The following NKX1-2 variants were observed in gnomAD, a reference collection of about 807,000 sequenced individuals.
The protein encoded by NKX1-2 is NK1 homeobox 2, also known as NK1 transcription factor-related protein 2.
NKX1-2 carries 1 observed loss-of-function variant against 4.4 expected under a neutral mutation model. That is an observed-to-expected ratio of 0.23 (90% confidence interval 0.08 to 1.08). The LOEUF is 1.08. NKX1-2 is among the 50% of genes least tolerant of loss of function. The pLI, the probability that NKX1-2 is intolerant of heterozygous loss-of-function variation, is 0.55. For synonymous variants in NKX1-2, 235 were observed against 228.0 expected (o/e 1.03, Z -0.28); for missense variants, 503 against 464.6 (o/e 1.08, Z -0.76).
rs1952262887 is a variant in NKX1-2, at chr10:124,448,061, G to GCCTCCTCGGATCCTCCGCATCCT, written c.278_300dup (p.Pro101ArgfsTer22). 19 of 1,520,696 alleles carry GCCTCCTCGGATCCTCCGCATCCT rather than the reference G, an allele frequency of 1.2e-5. No homozygotes were observed. The highest frequency in any genetic ancestry group is 1.7e-5 in the Non-Finnish European group (19 of 1,139,500). The allele number at this position is 1,520,696 out of a possible 1,614,324, so 94.2% of individuals were successfully genotyped here. ...CGCGCAGCCCGCTCCCGCAGCCGCG[G>GCCTCCTCGGATCCTCCGCATCCT]CCTCCTCGGATCCTCCGCATCCTCC... On this transcript the variant is annotated frameshift_variant, in exon 2 of 2. Transcript: ENST00000451024. LOFTEE classifies it low-confidence loss of function (END_TRUNC). The surrounding 1 kb of genome is among the most constrained non-coding windows in gnomAD (Gnocchi z 4.1).
At position 124,447,165 on chromosome 10, in the gene NKX1-2, T is replaced by G. The variant is rs976557406; in HGVS notation, c.*264A>C. On this transcript the variant is annotated 3_prime_UTR_variant, in exon 2 of 2. Coordinates refer to ENST00000451024, the MANE Select transcript of NKX1-2 (RefSeq NM_001146340.3). ...GCCGAACACCCAGACCCTCAAAAAC[T>G]AGCCCCTGAACTGAATTAAACCTGA... The G allele has an allele frequency of 5.7e-6, 2 of 348,750 alleles. No homozygotes were observed. The highest frequency in any genetic ancestry group is 1.0e-5 in the Non-Finnish European group (2 of 194,658). 21.6% of individuals were successfully genotyped at this position (348,750 alleles called of 1,614,324 possible).
In NKX1-2 at chr10:124,447,669, C is replaced by T. The variant is rs751225266; in HGVS notation, c.693G>A (p.Val231=). Residue 231 remains valine (V), a synonymous_variant, in exon 2 of 2, where the codon GTG becomes GTA. Coordinates refer to ENST00000451024, the MANE Select transcript of NKX1-2 (RefSeq NM_001146340.3). The part of the protein sequence containing the change: ...QNPGADGAAQ[V]GGGAPQPGAA... ...CCCCTGGCTGGGGCGCGCCACCCCCCACCTGCGCCGCGCCGTCGGCACCCG... is the reference window on the plus strand; with the variant it reads ...CCCCTGGCTGGGGCGCGCCACCCCCTACCTGCGCCGCGCCGTCGGCACCCG... 1.9e-5 allele frequency: 27 copies of T among 1,392,946 alleles called. No individual in the cohort carries two copies. Among genetic ancestry groups the T allele is most frequent in the Admixed American group, 2.6e-5 (1 of 38,474 alleles). The allele number at this position is 1,392,946 out of a possible 1,614,324, so 86.3% of individuals were successfully genotyped here.
Position 124,449,776 on chromosome 10 carries a change from C to T in NKX1-2, c.168G>A (p.Gly56=), listed in dbSNP as rs112863004. The T allele has an allele frequency of 0.11, 164,520 of 1,551,562 alleles. 9,569 individuals are homozygous for T. Among genetic ancestry groups the T allele is most frequent in the Non-Finnish European group, 0.12 (136,930 of 1,146,918 alleles). Residue 56 remains glycine, a synonymous_variant, in exon 1 of 2, where the codon GGG becomes GGA. Coordinates refer to ENST00000451024, the MANE Select transcript of NKX1-2 (RefSeq NM_001146340.3). The surrounding 1 kb of genome is among the most constrained non-coding windows in gnomAD (Gnocchi z 7.5). ...ARKSLAEVEA[G]KDASSRDPVR... ...CAGGGTCCCTGGAGCTGGCATCTTT[C>T]CCCGCTTCGACCTCCGCCAAACTTT... is the stretch of plus-strand genomic sequence containing the variant.
rs1049292009 is a variant in NKX1-2 at position 124,447,482 on chromosome 10, C to A, written c.880G>T (p.Ala294Ser). The A allele has an allele frequency of 3.4e-5, 43 of 1,270,342 alleles. No individual in the cohort carries two copies. The highest frequency in any genetic ancestry group is 4.3e-5 in the Non-Finnish European group (43 of 1,004,166). The allele number at this position is 1,270,342 out of a possible 1,614,324, so 78.7% of individuals were successfully genotyped here. A position where few individuals can be genotyped will look rare whatever the true frequency, so the allele number is the denominator to read the frequency against. The change falls in exon 2 of 2, where the codon GCG becomes TCG. Residue 294 changes from alanine (A) to serine (S), a missense_variant. Coordinates refer to ENST00000451024, the MANE Select transcript of NKX1-2 (RefSeq NM_001146340.3). ...AGGTAGGAAGGCCCAAGGAACGGCG[C>A]GAAAGGGCTCCCGGGGGCGGCAGCC... is the stretch of plus-strand genomic sequence containing the variant. ...LTAAAPGSPF[A>S]PFLGPSYLTP...
chr10:124,449,292 G>A lies in NKX1-2; in HGVS notation c.214+438C>T, dbSNP rs921909939. 6.6e-6 allele frequency among the ~76,000 whole-genome samples: 1 copy of A among 152,204 alleles called. No individual in the cohort carries two copies. The highest frequency in any genetic ancestry group is 2.4e-5 in the African/African-American group (1 of 41,462). ...ACGAAGACCCCCGGCGCAAGCCTTA[G>A]CGTCAGCTCCCCCATCCATAAAATG... On this transcript the variant is annotated intron_variant, in intron 1 of 1. Coordinates refer to ENST00000451024, the MANE Select transcript of NKX1-2 (RefSeq NM_001146340.3). This position sits in a 1 kb window ranked among gnomAD's most constrained non-coding sequence, Gnocchi z 7.5.
Position 124,447,954 on chromosome 10 carries a change from GC to G in NKX1-2, c.407del (p.Gly136AlafsTer4), listed in dbSNP as rs1952260428. On this transcript the variant is annotated frameshift_variant, in exon 2 of 2. Coordinates refer to ENST00000451024, the MANE Select transcript of NKX1-2 (RefSeq NM_001146340.3). LOFTEE classifies it low-confidence loss of function (END_TRUNC). ...ASGEPCEDGG[G>X]GPVRSPPGSP... is the part of the protein sequence containing the mutation. ...ATCCCGGGGGGGACCTCACAGGGCC[GC>G]CCCCGCCGTCCTCGCAGGGCTCCCC... The G allele has an allele frequency of 2.8e-6, 4 of 1,404,232 alleles. No homozygotes were observed. The highest frequency in any genetic ancestry group is 3.7e-6 in the Non-Finnish European group (4 of 1,085,486). 87.0% of individuals were successfully genotyped at this position (1,404,232 alleles called of 1,614,324 possible). A position where few individuals can be genotyped will look rare whatever the true frequency, so the allele number is the denominator to read the frequency against.
rs1318708950 is a variant in NKX1-2, at chr10:124,449,689, G to A, written c.214+41C>T. ...TTCCCCCATACACTCCGCATTGTTG[G>A]GGCTGAGGCCTCCTGGGGCCGGGGC... On this transcript the variant is annotated intron_variant, in intron 1 of 1. Transcript: ENST00000451024. The surrounding 1 kb of genome is among the most constrained non-coding windows in gnomAD (Gnocchi z 7.5). The A allele has an allele frequency of 7.0e-7, 1 of 1,424,276 alleles. No homozygotes were observed. Among genetic ancestry groups the A allele is most frequent in the East Asian group, 2.5e-5 (1 of 40,366 alleles). 88.2% of individuals were successfully genotyped at this position (1,424,276 alleles called of 1,614,324 possible).
At position 124,449,991 on chromosome 10, in the gene NKX1-2, C is replaced by A; in HGVS notation, c.-48G>T. On this transcript the variant is annotated 5_prime_UTR_variant, in exon 1 of 2. Transcript: ENST00000451024. The surrounding 1 kb of genome is among the most constrained non-coding windows in gnomAD (Gnocchi z 7.5). ...GTCGGCGGCGCGGGGTTGGGGATGG[C>A]GCCGCTCGGGCTTGCCTTCGGCTGT... The A allele has an allele frequency of 7.1e-7, 1 of 1,408,842 alleles. No homozygotes were observed. The highest frequency in any genetic ancestry group is 2.5e-5 in the East Asian group (1 of 39,454). 87.3% of individuals were successfully genotyped at this position (1,408,842 alleles called of 1,614,324 possible).
At position 124,447,494 on chromosome 10, in the gene NKX1-2, C is replaced by T. The variant is rs1952251334; in HGVS notation, c.868G>A (p.Gly290Arg). 12 of 1,271,390 alleles carry T rather than the reference C, an allele frequency of 9.4e-6. No individual in the cohort carries two copies. Among genetic ancestry groups the T allele is most frequent in the East Asian group, 3.1e-5 (1 of 32,280 alleles). 78.8% of individuals were successfully genotyped at this position (1,271,390 alleles called of 1,614,324 possible). The change falls in exon 2 of 2, where the codon GGG (glycine) becomes AGG (arginine). Residue 290 changes from glycine (G) to arginine (R), a missense_variant. Gly to Arg is a moderately radical substitution (Grantham distance 125, BLOSUM62 -2). Transcript: ENST00000451024. ...CCAAGGAACGGCGCGAAAGGGCTCC[C>T]GGGGGCGGCAGCCGTCAGCGGGAAG... ...ASFPLTAAAP[G>R]SPFAPFLGPS...
At position 124,449,114 on chromosome 10, in the gene NKX1-2, G is replaced by C. The variant is rs1952272734; in HGVS notation, c.214+616C>G. ...CCAGCGTTGGGAGTAATTCAGAAAGGGTTTCGAGAAGAAAGTACCGAAAGC... is the reference window on the plus strand; with the variant it reads ...CCAGCGTTGGGAGTAATTCAGAAAGCGTTTCGAGAAGAAAGTACCGAAAGC... On this transcript the variant is annotated intron_variant, in intron 1 of 1. Coordinates refer to ENST00000451024, the MANE Select transcript of NKX1-2 (RefSeq NM_001146340.3). This position sits in a 1 kb window ranked among gnomAD's most constrained non-coding sequence, Gnocchi z 7.5. 6.6e-6 allele frequency among the ~76,000 whole-genome samples: 1 copy of C among 152,156 alleles called. No individual in the cohort carries two copies. Among genetic ancestry groups the C allele is most frequent in the Non-Finnish European group, 1.5e-5 (1 of 68,020 alleles).
Position 124,447,513 on chromosome 10 carries a change from C to T in NKX1-2, c.849G>A (p.Pro283=). ...NVLFPSAASF[P]LTAAAPGSPF... is the part of the protein sequence containing the mutation. Reference sequence around the variant, plus strand: ...GGCTCCCGGGGGCGGCAGCCGTCAGCGGGAAGGAGGCGGCGGACGGGAAGA... The same window carrying T: ...GGCTCCCGGGGGCGGCAGCCGTCAGTGGGAAGGAGGCGGCGGACGGGAAGA... The change falls in exon 2 of 2, where the codon CCG becomes CCA. Residue 283 remains proline (P), a synonymous_variant. Transcript: ENST00000451024. 3.1e-6 allele frequency: 4 copies of T among 1,273,760 alleles called. No homozygotes were observed. The highest frequency in any genetic ancestry group is 3.0e-6 in the Non-Finnish European group (3 of 1,006,214). 78.9% of individuals were successfully genotyped at this position (1,273,760 alleles called of 1,614,324 possible).
At position 124,447,827 on chromosome 10, in the gene NKX1-2, C is replaced by G. The variant is rs748360996; in HGVS notation, c.535G>C (p.Glu179Gln). The stretch of plus-strand genomic sequence containing the variant: ...TAGCGCGTGGCCCGGAACTTGTTCT[C>G]CAAGGCCACCAGCTGCTCGTAGGTG... The part of the protein sequence containing the change: ...AFTYEQLVAL[E>Q]NKFRATRYLS... The change falls in exon 2 of 2, where the codon GAG (glutamate) becomes CAG (glutamine). Residue 179 changes from glutamate to glutamine, a missense_variant. Physicochemically the swap from Glu to Gln is conservative, Grantham distance 29. Transcript: ENST00000451024. The G allele has an allele frequency of 2.0e-6, 3 of 1,475,370 alleles. No individual in the cohort carries two copies. Among genetic ancestry groups the G allele is most frequent in the East Asian group, 5.9e-5 (2 of 34,078 alleles). 91.4% of individuals were successfully genotyped at this position (1,475,370 alleles called of 1,614,324 possible).
chr10:124,448,144 G>A lies in NKX1-2; in HGVS notation c.218C>T (p.Ala73Val), dbSNP rs1952264218. Residue 73 changes from alanine to valine, a missense_variant, in exon 2 of 2, where the codon GCT (alanine) becomes GTT (valine). Physicochemically the swap from Ala to Val is moderately conservative, Grantham distance 64 (BLOSUM62 0). Coordinates refer to ENST00000451024, the MANE Select transcript of NKX1-2 (RefSeq NM_001146340.3). This position sits in a 1 kb window ranked among gnomAD's most constrained non-coding sequence, Gnocchi z 4.1. ...DPVRQLETPD[A>V]AGPGAGQASP... ...CGCCTGGCCGGCGCCTGGGCCCGCA[G>A]CATCTAGGGGAGAAGGGGTCGGTGA... 3.4e-6 allele frequency: 5 copies of A among 1,474,622 alleles called. No homozygotes were observed. Among genetic ancestry groups the A allele is most frequent in the Non-Finnish European group, 4.5e-6 (5 of 1,120,238 alleles). 91.3% of individuals were successfully genotyped at this position (1,474,622 alleles called of 1,614,324 possible). A position where few individuals can be genotyped will look rare whatever the true frequency, so the allele number is the denominator to read the frequency against.
chr10:124,449,525 C>T lies in NKX1-2; in HGVS notation c.214+205G>A, dbSNP rs947021767. The T allele has an allele frequency of 1.4e-6, 1 of 699,938 alleles. No homozygotes were observed. Among genetic ancestry groups the T allele is most frequent in the African/African-American group, 1.7e-5 (1 of 57,198 alleles). The allele number at this position is 699,938 out of a possible 1,614,324, so 43.4% of individuals were successfully genotyped here. On this transcript the variant is annotated intron_variant, in intron 1 of 1. Coordinates refer to ENST00000451024, the MANE Select transcript of NKX1-2 (RefSeq NM_001146340.3). The surrounding 1 kb of genome is among the most constrained non-coding windows in gnomAD (Gnocchi z 7.5). The stretch of plus-strand genomic sequence containing the variant: ...GCTTGGCGGGTGAGCAGGGATGCGG[C>T]AAATCCCTGCCCTGTAATGCGGGGA...
At position 124,447,756 on chromosome 10, in the gene NKX1-2, G is replaced by A; in HGVS notation, c.606C>T (p.Leu202=). The A allele has an allele frequency of 6.8e-7, 1 of 1,477,870 alleles. No homozygotes were observed. Among genetic ancestry groups the A allele is most frequent in the Non-Finnish European group, 9.0e-7 (1 of 1,107,368 alleles). 91.5% of individuals were successfully genotyped at this position (1,477,870 alleles called of 1,614,324 possible). A position where few individuals can be genotyped will look rare whatever the true frequency, so the allele number is the denominator to read the frequency against. The change falls in exon 2 of 2, where the codon CTC becomes CTT. Residue 202 remains leucine, a synonymous_variant. Coordinates refer to ENST00000451024, the MANE Select transcript of NKX1-2 (RefSeq NM_001146340.3). ...ACCAGATTTTGACCTGCGTCTCGGT[G>A]AGGCTGAGAGACAGCGCGAGGTTCA... ...ERLNLALSLS[L]TETQVKIWFQ...
Position 124,449,596 on chromosome 10 carries a change from C to A in NKX1-2, c.214+134G>T, listed in dbSNP as rs1952277295. 2.7e-6 allele frequency: 2 copies of A among 749,594 alleles called. No individual in the cohort carries two copies. The highest frequency in any genetic ancestry group is 4.7e-6 in the Non-Finnish European group (2 of 428,536). The allele number at this position is 749,594 out of a possible 1,614,324, so 46.4% of individuals were successfully genotyped here. ...CAAGTCCGAGGCGGGGGCTACACTT[C>A]GCACCCGGTCCCGTGCGCCTTCTCT... On this transcript the variant is annotated intron_variant, in intron 1 of 1. Coordinates refer to ENST00000451024, the MANE Select transcript of NKX1-2 (RefSeq NM_001146340.3). The surrounding 1 kb of genome is among the most constrained non-coding windows in gnomAD (Gnocchi z 7.5).
rs1952231207 is a variant in NKX1-2 at position 124,445,561 on chromosome 10, T to A, written c.*1868A>T. On this transcript the variant is annotated 3_prime_UTR_variant, in exon 2 of 2. Transcript: ENST00000451024. ...TCTTTGTTACAGAGGAATTGTCACATTTGAATTGTCTGTTTAATATGGGAT... is the reference window on the plus strand; with the variant it reads ...TCTTTGTTACAGAGGAATTGTCACAATTGAATTGTCTGTTTAATATGGGAT... The A allele has an allele frequency of 6.6e-6, 1 of 152,220 alleles. No homozygotes were observed. Among genetic ancestry groups the A allele is most frequent in the Non-Finnish European group, 1.5e-5 (1 of 68,042 alleles). The allele number at this position is 152,220 out of a possible 1,614,324, so 9.4% of individuals were successfully genotyped here.
rs1375097624 is a variant in NKX1-2 at position 124,449,839 on chromosome 10, C to G, written c.105G>C (p.Ala35=). Reference sequence around the variant, plus strand: ...GGGGAGCCGGGCGCACGGCAGGGAGCGCTGCGCGGGTGAATTTCTGTGGGT... The same window carrying G: ...GGGGAGCCGGGCGCACGGCAGGGAGGGCTGCGCGGGTGAATTTCTGTGGGT... ...ILDPQKFTRA[A]LPAVRPAPRE... Residue 35 remains alanine, a synonymous_variant, in exon 1 of 2, where the codon GCG becomes GCC. Coordinates refer to ENST00000451024, the MANE Select transcript of NKX1-2 (RefSeq NM_001146340.3). The surrounding 1 kb of genome is among the most constrained non-coding windows in gnomAD (Gnocchi z 7.5). 2.6e-6 allele frequency: 4 copies of G among 1,551,602 alleles called. No individual in the cohort carries two copies. The Admixed American group carries it at 7.8e-5, about 30-fold the overall frequency.
At position 124,447,741 on chromosome 10, in the gene NKX1-2, G is replaced by A; in HGVS notation, c.621C>T (p.Val207=). 6.8e-7 allele frequency: 1 copy of A among 1,476,952 alleles called. No individual in the cohort carries two copies. The highest frequency in any genetic ancestry group is 2.3e-5 in the Admixed American group (1 of 44,400). The allele number at this position is 1,476,952 out of a possible 1,614,324, so 91.5% of individuals were successfully genotyped here. A position where few individuals can be genotyped will look rare whatever the true frequency, so the allele number is the denominator to read the frequency against. The change falls in exon 2 of 2, where the codon GTC becomes GTT. Residue 207 remains valine (V), a synonymous_variant. Coordinates refer to ENST00000451024, the MANE Select transcript of NKX1-2 (RefSeq NM_001146340.3). ...ALSLSLTETQ[V]KIWFQNRRTK... ...TCCTGCGATTCTGGAACCAGATTTT[G>A]ACCTGCGTCTCGGTGAGGCTGAGAG... is the stretch of plus-strand genomic sequence containing the variant.
Sources: allele counts gnomAD v4.1 joint callset (sites outside exome capture counted in the v4.1 genomes callset), GRCh38; gene constraint gnomAD v4.1.1; non-coding constraint Gnocchi (gnomAD v3.1); transcripts MANE v1.5; gene names NCBI Gene and HGNC (gene_info 2026-07-23, HGNC 2026-07-21).